The following PTPRT variants were observed in gnomAD, a reference collection of about 807,000 sequenced individuals.
PTPRT encodes receptor-type tyrosine-protein phosphatase T.
PTPRT carries 56 observed loss-of-function variants against 176.8 expected under a neutral mutation model. The observed-to-expected ratio is 0.32, with a 90% CI of 0.26 to 0.40. The LOEUF (loss-of-function observed/expected upper bound fraction) is 0.40. PTPRT is among the 10% of genes least tolerant of loss of function. The probability of loss-of-function intolerance (pLI) is 1.00; values close to 1 mark genes in which losing one functional copy is unlikely to be tolerated. For synonymous variants in PTPRT, 783 were observed against 739.0 expected (o/e 1.06, Z -0.96); for missense variants, 1,540 against 1,908.2 (o/e 0.81, Z 3.60).
chr20:42,752,310 C>A (rs528544554), intron 6 of PTPRT, among the ~76,000 whole-genome samples: 1 of 152,238 alleles, frequency 6.6e-6, no homozygotes, highest in African/African-American at 2.4e-5. Flanking sequence ...ACTCCTACAT[C>A]CATTATCACA....
chr20:42,887,429 G>A (rs975029245), intron 1 of PTPRT, among the ~76,000 whole-genome samples: 4 of 151,878 alleles, frequency 2.6e-5, no homozygotes, highest in African/African-American at 9.7e-5. Flanking sequence ...TAGTCCCCAG[G>A]ACTGTGAGAA....
At chr20:42,265,800 A>G (rs775544835) in intron 13 of PTPRT, among the ~76,000 whole-genome samples, 4 of 152,166 alleles carry the variant, frequency 2.6e-5, no homozygotes, top group Non-Finnish European at 4.4e-5. Flanking sequence ...GCCTTGCTTC[A>G]TCATCTTCTC....
intron 7 of PTPRT, among the ~76,000 whole-genome samples, chr20:42,485,008 C>T (rs995751614): frequency 2.0e-5 from 3 of 152,198 alleles, no homozygotes; most frequent in Admixed American, 6.5e-5. Context: ...GGGTGGTCAG[C>T]TGTGTGCCTC....
chr20:42,780,172 G>C (rs1569152273), intron 4 of PTPRT, 46 bp downstream of exon 4: 1 of 1,465,516 alleles, frequency 6.8e-7, no homozygotes, highest in South Asian at 1.1e-5. Flanking sequence ...ATGCTACCCA[G>C]TCTGGCATGG....
At chr20:43,126,396 C>A (rs2013442120) in intron 1 of PTPRT, among the ~76,000 whole-genome samples, 2 of 151,752 alleles carry the variant, frequency 1.3e-5, no homozygotes, top group Admixed American at 6.6e-5. Context: ...AAAAGAAAGT[C>A]ATTGAGAATT....
chr20:42,257,100 C>T (rs868452759), intron 13 of PTPRT, among the ~76,000 whole-genome samples: 1 of 152,174 alleles, frequency 6.6e-6, no homozygotes, highest in African/African-American at 2.4e-5. Context: ...ACCAAATGGG[C>T]CAAGGACAAG....
chr20:42,222,623 G>A (rs1457662342), intron 15 of PTPRT, among the ~76,000 whole-genome samples: 4 of 152,238 alleles, frequency 2.6e-5, no homozygotes, highest in Non-Finnish European at 1.5e-5. Flanking sequence ...TGCGTTTGGA[G>A]AGAGAGCTTC....
In PTPRT at chr20:42,202,281, T is replaced by C. The variant is rs1453136277; in HGVS notation, c.2343-2893A>G. ...CACCGTGCCCAGCCGAGAAAGTTTC[T>C]TTATACGTCTCGTTTTGGCCATAAT... On this transcript the variant is annotated intron_variant, in intron 15 of 30. Transcript: ENST00000373187. Among the ~76,000 whole-genome samples, 2 of 152,220 alleles carry C rather than the reference T, an allele frequency of 1.3e-5. 1 individual carries two copies. Among genetic ancestry groups the C allele is most frequent in the East Asian group, 3.8e-4 (2 of 5,202 alleles).
chr20:42,954,175 G>T (rs1600590056), intron 1 of PTPRT, among the ~76,000 whole-genome samples: 1 of 152,310 alleles, frequency 6.6e-6, no homozygotes, highest in East Asian at 1.9e-4. Context: ...TAACTCAGTA[G>T]ATCCAACTCA....
intron 1 of PTPRT, among the ~76,000 whole-genome samples, chr20:43,044,309 C>T (rs751424092): frequency 3.3e-5 from 5 of 152,034 alleles, no homozygotes; most frequent in East Asian, 1.9e-4. Context: ...ATACATGGGG[C>T]TTAGGGCAGC....
chr20:43,130,006 G>T (rs920710823), intron 1 of PTPRT, among the ~76,000 whole-genome samples: 8 of 152,146 alleles, frequency 5.3e-5, no homozygotes, highest in Admixed American at 2.6e-4. Flanking sequence ...CACAAGGAAA[G>T]AATTTAAGCC....
At chr20:42,576,738 A>T (rs6513804) in intron 7 of PTPRT, among the ~76,000 whole-genome samples, 2,668 of 152,316 alleles carry the variant, frequency 0.018, 72 homozygotes, top group African/African-American at 0.06. Flanking sequence ...ATACGTTTAC[A>T]CATTTTCCTG....
Position 42,078,944 on chromosome 20 carries a change from C to T in PTPRT, c.*1935G>A, listed in dbSNP as rs982010827. On this transcript the variant is annotated 3_prime_UTR_variant, in exon 31 of 31. Coordinates refer to ENST00000373187, the MANE Select transcript of PTPRT (RefSeq NM_007050.6). ...ACTACTGCACCATGGTTCCATTTCC[C>T]CAGCATACAGTGGGCTCTTGAGGGC... 3 of 176,442 alleles carry T rather than the reference C, an allele frequency of 1.7e-5. No individual in the cohort carries two copies. The highest frequency in any genetic ancestry group is 2.4e-5 in the Non-Finnish European group (2 of 81,874). 10.9% of individuals were successfully genotyped at this position (176,442 alleles called of 1,614,324 possible).
Position 42,248,833 on chromosome 20 carries a change from A to AAAGGG in PTPRT, c.2177-16_2177-12dup. The AAAGGG allele has an allele frequency of 6.2e-7, 1 of 1,613,368 alleles. No homozygotes were observed. The highest frequency in any genetic ancestry group is 8.5e-7 in the Non-Finnish European group (1 of 1,179,370). ...TCTGGGTGGAGGCACCTAGGAAGGG[A>AAAGGG]AAGGGAAGGATAGCAATGTTGAAAG... On this transcript the variant is annotated splice_polypyrimidine_tract_variant and intron_variant, in intron 13 of 30. Coordinates refer to ENST00000373187, the MANE Select transcript of PTPRT (RefSeq NM_007050.6).
chr20:42,241,727 A>T (rs1189422636), intron 14 of PTPRT, among the ~76,000 whole-genome samples: 2 of 152,056 alleles, frequency 1.3e-5, no homozygotes, highest in Admixed American at 6.5e-5. Context: ...ACGTGAGTGC[A>T]AGCAGAAGGA....
chr20:43,059,487 G>A (rs967730945), intron 1 of PTPRT, among the ~76,000 whole-genome samples: 7 of 152,152 alleles, frequency 4.6e-5, no homozygotes, highest in East Asian at 3.8e-4. Flanking sequence ...AAGCTTTGCC[G>A]CTTGATAAGA....
chr20:42,776,492 C>T (rs1457926075), intron 4 of PTPRT, among the ~76,000 whole-genome samples: 2 of 152,116 alleles, frequency 1.3e-5, no homozygotes, highest in Non-Finnish European at 2.9e-5. Flanking sequence ...CCATGTGAAG[C>T]CTCAGCAAGA....
chr20:42,485,702 T>C (rs2145350640), intron 7 of PTPRT, among the ~76,000 whole-genome samples: 2 of 152,286 alleles, frequency 1.3e-5, no homozygotes, highest in Middle Eastern at 6.8e-3. Flanking sequence ...ACATTCTTGA[T>C]CTTCCAAGGA....
chr20:42,430,378 G>C (rs760913575), intron 9 of PTPRT, among the ~76,000 whole-genome samples: 3 of 152,180 alleles, frequency 2.0e-5, no homozygotes. Context: ...GTGACAACCT[G>C]GGGATCTTGT....
Sources: gnomAD v4.1 joint callset for allele counts (sites outside exome capture counted in the v4.1 genomes callset) on GRCh38, gnomAD v4.1.1 for gene constraint, MANE v1.5 for transcripts, NCBI Gene and HGNC (gene_info 2026-07-23, HGNC 2026-07-21) for gene names.